The following RBFOX1 variants were observed in gnomAD, a reference collection of about 807,000 sequenced individuals.
RBFOX1 encodes RNA binding fox-1 homolog 1, also known as RNA binding protein fox-1 homolog 1.
RBFOX1 carries 8 observed loss-of-function variants against 57.7 expected under a neutral mutation model. The observed-to-expected ratio is 0.14, with a 90% CI of 0.08 to 0.25. The LOEUF is 0.25. Among genes scored for constraint, RBFOX1 ranks in the 10% least tolerant of loss-of-function variants. The probability of loss-of-function intolerance (pLI) is 1.00; values close to 1 mark genes in which losing one functional copy is unlikely to be tolerated. For missense variants in RBFOX1, 611 were observed against 548.5 expected, an observed-to-expected ratio of 1.11 and a Z score of -1.14; for synonymous variants, 326 against 222.4, an observed-to-expected ratio of 1.47 and a Z score of -4.15.
chr16:7,342,709 C>T (rs1024178957), intron 4 of RBFOX1, among the ~76,000 whole-genome samples: 1 of 152,040 alleles, frequency 6.6e-6, no homozygotes, highest in African/African-American at 2.4e-5. Flanking sequence ...GGGAGAGATG[C>T]CACCATGGAG....
chr16:7,634,394 T>TTA (rs2061442176), intron 11 of RBFOX1, among the ~76,000 whole-genome samples: 1 of 151,984 alleles, frequency 6.6e-6, no homozygotes, highest in African/African-American at 2.4e-5. Context: ...GTTTGTTTTT[T>TTA]TTTTTCGAGA....
chr16:7,039,302 C>CT (rs534321377), intron 3 of RBFOX1, among the ~76,000 whole-genome samples: 26 of 151,992 alleles, frequency 1.7e-4, no homozygotes, highest in Non-Finnish European at 3.2e-4. Context: ...TCGTCCGTCT[C>CT]CCTTGACCCT....
At chr16:5,319,573 A>G (rs2151244867) in intron 1 of RBFOX1, among the ~76,000 whole-genome samples, 1 of 152,314 alleles carries the variant, frequency 6.6e-6, no homozygotes, top group East Asian at 1.9e-4. Flanking sequence ...GGGCCCAGGG[A>G]CAATCCAGGC....
intron 4 of RBFOX1, among the ~76,000 whole-genome samples, chr16:7,384,090 T>A (rs577720697): frequency 6.6e-6 from 1 of 151,004 alleles, no homozygotes; most frequent in East Asian, 2.0e-4. Flanking sequence ...ATGAGAAACA[T>A]CAGTATAAAT....
chr16:5,683,041 C>A (rs182791067), intron 3 of RBFOX1, among the ~76,000 whole-genome samples: 414 of 151,906 alleles, frequency 2.7e-3, no homozygotes, highest in Non-Finnish European at 4.4e-3. Context: ...AGAGTGTCCA[C>A]CTTTTAGGGT....
chr16:7,434,358 G>A (rs2098705744), intron 4 of RBFOX1, among the ~76,000 whole-genome samples: 2 of 152,028 alleles, frequency 1.3e-5, no homozygotes, highest in African/African-American at 4.8e-5. Context: ...AGTAGTCCCA[G>A]CTACTCTGAA....
intron 2 of RBFOX1, among the ~76,000 whole-genome samples, chr16:5,528,078 C>G (rs567643817): frequency 6.6e-6 from 1 of 152,112 alleles, no homozygotes; most frequent in Admixed American, 6.6e-5. Context: ...TGGATTTAGT[C>G]GTCCTGGAGG....
rs1354379513 is a variant in RBFOX1 at position 7,012,515 on chromosome 16, G to C, written c.-15-39542G>C. Among the ~76,000 whole-genome samples, 9 of 152,294 alleles carry C rather than the reference G, an allele frequency of 5.9e-5. No individual in the cohort carries two copies. In the South Asian group the frequency reaches 6.2e-4, roughly 11 times the overall value. ...TGTTAATAACTGCCTGGAACAGACA[G>C]TGAGAAAAACAAGGACATTGGAACA... On this transcript the variant is annotated intron_variant, in intron 3 of 15. Transcript: ENST00000550418.
At chr16:6,051,205 C>T (rs1323246310) in intron 1 of RBFOX1, among the ~76,000 whole-genome samples, 1 of 151,712 alleles carries the variant, frequency 6.6e-6, no homozygotes, top group Non-Finnish European at 1.5e-5. Context: ...CTAGAGGTGT[C>T]CCATGAATCT....
rs370881461 is a variant in RBFOX1 at position 6,000,861 on chromosome 16, G to A, written c.351+133526G>A. On this transcript the variant is annotated intron_variant, in intron 4 of 19. Coordinates refer to the RBFOX1 transcript ENST00000641259. ...GGTGGGTAGGTGGGTGGACAGGTAGGTGGGTGGATGAATGGGTGGGTGGAT... is the reference window on the plus strand; with the variant it reads ...GGTGGGTAGGTGGGTGGACAGGTAGATGGGTGGATGAATGGGTGGGTGGAT... 2.2e-3 allele frequency among the ~76,000 whole-genome samples: 317 copies of A among 141,202 alleles called. 1 individual carries two copies. Among genetic ancestry groups the A allele is most frequent in the African/African-American group, 7.8e-3 (297 of 37,986 alleles). 92.6% of individuals were successfully genotyped at this position (141,202 alleles called of 152,430 possible). A position where few individuals can be genotyped will look rare whatever the true frequency, so the allele number is the denominator to read the frequency against.
intron 2 of RBFOX1, among the ~76,000 whole-genome samples, chr16:6,652,380 G>T (rs1489625180): frequency 6.6e-6 from 1 of 152,032 alleles, no homozygotes; most frequent in African/African-American, 2.4e-5. Context: ...CCTGGGAGGT[G>T]GAGGTTGCAG....
chr16:6,709,385 G>A (rs1179112685), intron 3 of RBFOX1, among the ~76,000 whole-genome samples: 1 of 152,088 alleles, frequency 6.6e-6, no homozygotes, highest in Non-Finnish European at 1.5e-5. Context: ...TGCATCACTT[G>A]TTATTCTGTG....
At chr16:7,041,639 AC>A (rs2046226704) in intron 3 of RBFOX1, among the ~76,000 whole-genome samples, 1 of 152,096 alleles carries the variant, frequency 6.6e-6, no homozygotes, top group African/African-American at 2.4e-5. Context: ...CCAATTTACC[AC>A]CCTTCTTAAA....
At chr16:5,593,184 C>A (rs1366186842) in intron 2 of RBFOX1, among the ~76,000 whole-genome samples, 2 of 152,158 alleles carry the variant, frequency 1.3e-5, no homozygotes, top group Non-Finnish European at 2.9e-5. Flanking sequence ...AGTTCATGTC[C>A]TTTGCAGGGA....
At chr16:7,631,894 T>C (rs1568191089) in intron 11 of RBFOX1, among the ~76,000 whole-genome samples, 1 of 152,178 alleles carries the variant, frequency 6.6e-6, no homozygotes, top group Non-Finnish European at 1.5e-5. Context: ...TCAGGAGGTC[T>C]GACAGCCAGT....
At chr16:6,082,738 A>G (rs1370269257) in intron 1 of RBFOX1, among the ~76,000 whole-genome samples, 1 of 152,132 alleles carries the variant, frequency 6.6e-6, no homozygotes, top group Non-Finnish European at 1.5e-5. Context: ...ATGATCACTC[A>G]AATAGAACTA....
intron 4 of RBFOX1, among the ~76,000 whole-genome samples, chr16:7,368,228 C>G (rs988386416): frequency 2.0e-5 from 3 of 149,840 alleles, no homozygotes; most frequent in South Asian, 2.1e-4. Flanking sequence ...GATCCTGCCA[C>G]TGCACTCCAT....
At chr16:6,810,989 G>T (rs1331491452) in intron 3 of RBFOX1, among the ~76,000 whole-genome samples, 1 of 152,146 alleles carries the variant, frequency 6.6e-6, no homozygotes, top group East Asian at 1.9e-4. Context: ...TTCCAGAACG[G>T]ATTTACACAA....
intron 4 of RBFOX1, among the ~76,000 whole-genome samples, chr16:5,928,756 T>C (rs1486301315): frequency 6.6e-6 from 1 of 151,554 alleles, no homozygotes; most frequent in Non-Finnish European, 1.5e-5. Flanking sequence ...TCAATCCTGG[T>C]ATTGTGGGCC....
Sources: allele counts gnomAD v4.1 joint callset (sites outside exome capture counted in the v4.1 genomes callset), GRCh38; gene constraint gnomAD v4.1.1; transcripts MANE v1.5; gene names NCBI Gene and HGNC (gene_info 2026-07-23, HGNC 2026-07-21).